SLC13A5: variants seen among roughly 807,000 people sequenced by gnomAD.
SLC13A5 encodes the protein Na(+)/citrate cotransporter.
SLC13A5 carries 25 observed loss-of-function variants against 56.5 expected under a neutral mutation model. That is an observed-to-expected ratio of 0.44 (90% CI 0.32 to 0.62). SLC13A5 has a LOEUF of 0.62. Among genes scored for constraint, SLC13A5 ranks in the 20% least tolerant of loss-of-function variants. The pLI, the probability that SLC13A5 is intolerant of heterozygous loss-of-function variation, is 0.04. For missense variants in SLC13A5, 649 were observed against 737.8 expected (o/e 0.88, Z 1.39); for synonymous variants, 307 against 301.5 (o/e 1.02, Z -0.19).
chr17:6,704,084 C>G (rs1033901696), intron 3 of SLC13A5, 28 bp from the exon 4 acceptor site: 1 of 1,594,222 alleles, frequency 6.3e-7, no homozygotes, highest in Non-Finnish European at 8.5e-7. Flanking sequence ...GGAGGAAAGC[C>G]AGAGAATCCC....
rs1484028834 is a variant in SLC13A5, at chr17:6,703,940, G to A, written c.485C>T (p.Thr162Ile). ...VEAILQQMEA[T>I]SAATEAGLEL... ...CAGGCCGGCCTCGGTGGCTGCGCTTGTGGCTTCCATCTGCTGCAATATGGC... is the reference window on the plus strand; with the variant it reads ...CAGGCCGGCCTCGGTGGCTGCGCTTATGGCTTCCATCTGCTGCAATATGGC... Residue 162 changes from threonine to isoleucine, a missense_variant, in exon 4 of 12, where the codon ACA becomes ATA. Physicochemically the swap from Thr to Ile is moderately conservative, Grantham distance 89 (BLOSUM62 -1). Transcript: ENST00000433363. 2 of 1,607,228 alleles carry A rather than the reference G, an allele frequency of 1.2e-6. No individual in the cohort carries two copies. Among genetic ancestry groups the A allele is most frequent in the South Asian group, 2.2e-5 (2 of 90,530 alleles).
At position 6,698,282 on chromosome 17, in the gene SLC13A5, C is replaced by T. The variant is rs189296303; in HGVS notation, c.840-2341G>A. On this transcript the variant is annotated intron_variant, in intron 6 of 11. Transcript: ENST00000433363. Reference sequence around the variant, plus strand: ...TCAGAAGCCCCCTGCTGCAGACACTCTCAGGCTCCCCCGCCAGTCAACAAA... The same window carrying T: ...TCAGAAGCCCCCTGCTGCAGACACTTTCAGGCTCCCCCGCCAGTCAACAAA... Among the ~76,000 whole-genome samples the T allele has an allele frequency of 1.2e-3, 178 of 152,366 alleles. No individual in the cohort carries two copies. The Middle Eastern group carries it at 0.037, about 32-fold the overall frequency.
rs779618700 is a variant in SLC13A5, at chr17:6,686,047, G to C, written c.*160C>G. ...CTGCCCATGACCATCTCTGCATCTGGGCTTGGAGGAAGAGGTGGCCCATTG... is the reference window on the plus strand; with the variant it reads ...CTGCCCATGACCATCTCTGCATCTGCGCTTGGAGGAAGAGGTGGCCCATTG... On this transcript the variant is annotated 3_prime_UTR_variant, in exon 12 of 12. Transcript: ENST00000433363. 32 of 1,010,756 alleles carry C rather than the reference G, an allele frequency of 3.2e-5. 1 individual carries two copies. The highest frequency in any genetic ancestry group is 4.6e-5 in the Non-Finnish European group (31 of 680,662). The allele number at this position is 1,010,756 out of a possible 1,614,324, so 62.6% of individuals were successfully genotyped here. A position where few individuals can be genotyped will look rare whatever the true frequency, so the allele number is the denominator to read the frequency against.
At position 6,706,727 on chromosome 17, in the gene SLC13A5, T is replaced by C. The variant is rs1199399452; in HGVS notation, c.283A>G (p.Ile95Val). ...DTNMLFLGGLIVAVAVERWNL... is the reference protein window; with the variant it reads ...DTNMLFLGGLVVAVAVERWNL... ...CAGCGCTCCACAGCCACGGCCACGA[T>C]GAGGCCGCCCAGGAACAGCATGTTG... Residue 95 changes from isoleucine (I) to valine (V), a missense_variant, in exon 3 of 12, where the codon ATC becomes GTC. By Grantham distance (29) the Ile-to-Val change is conservative (BLOSUM62 3). Coordinates refer to ENST00000433363, the MANE Select transcript of SLC13A5 (RefSeq NM_177550.5). 4 of 1,614,056 alleles carry C rather than the reference T, an allele frequency of 2.5e-6. No individual in the cohort carries two copies. The highest frequency in any genetic ancestry group is 2.2e-5 in the South Asian group (2 of 91,054).
intron 7 of SLC13A5, chr17:6,695,307 A>C (rs533602234): frequency 7.0e-5 from 12 of 171,068 alleles, no homozygotes; most frequent in Non-Finnish European, 1.0e-4. Flanking sequence ...TTGACCAAGC[A>C]TGAGTGCCTG....
intron 7 of SLC13A5, 80 bp downstream of exon 7, chr17:6,695,646 C>T: frequency 1.4e-6 from 2 of 1,458,930 alleles, no homozygotes; most frequent in Non-Finnish European, 1.9e-6. Flanking sequence ...CCACCTCAGC[C>T]TCCCAAAGTG....
intron 5 of SLC13A5, among the ~76,000 whole-genome samples, chr17:6,702,234 A>T (rs560095614): frequency 7.6e-4 from 116 of 152,196 alleles, no homozygotes; most frequent in African/African-American, 2.7e-3. Context: ...CAATTAGTAC[A>T]TACCTCAATT....
chr17:6,709,299 CTTGCTCTGTCCCCAGGCTGGAGT>C (rs1428606431), intron 1 of SLC13A5, among the ~76,000 whole-genome samples: 2 of 151,922 alleles, frequency 1.3e-5, no homozygotes, highest in Non-Finnish European at 2.9e-5. Context: ...GAGACAGAGC[CTTGCTCTGTCCCCAGGCTGGAGT>C]GCAGTGGTGC....
At chr17:6,697,274 T>C (rs942405707) in intron 6 of SLC13A5, among the ~76,000 whole-genome samples, 2 of 152,160 alleles carry the variant, frequency 1.3e-5, no homozygotes, top group African/African-American at 4.8e-5. Flanking sequence ...GTTTCCAGCA[T>C]AAGGGGTGAC....
chr17:6,696,007 G>T (rs1022647782), intron 6 of SLC13A5, 66 bp from the exon 7 acceptor site: 2 of 1,443,346 alleles, frequency 1.4e-6, no homozygotes, highest in Admixed American at 1.8e-5. Flanking sequence ...GTCAGATGGA[G>T]CCTAAATGTT....
chr17:6,703,435 C>T (rs1402700710), intron 4 of SLC13A5, among the ~76,000 whole-genome samples: 1 of 152,206 alleles, frequency 6.6e-6, no homozygotes, highest in Non-Finnish European at 1.5e-5. Context: ...GACTCGTCTT[C>T]CCTGAGCTTC....
intron 9 of SLC13A5, among the ~76,000 whole-genome samples, chr17:6,691,240 C>G (rs1191283513): frequency 6.6e-5 from 10 of 152,220 alleles, no homozygotes; most frequent in Admixed American, 6.5e-4. Flanking sequence ...TCCTCCATAG[C>G]CCAGAATCTG....
intron 1 of SLC13A5, among the ~76,000 whole-genome samples, chr17:6,710,022 G>A (rs61270010): frequency 0.33 from 50,814 of 152,108 alleles, 8,833 homozygotes; most frequent in East Asian, 0.43. Flanking sequence ...AGGAGAAAGG[G>A]TCAATGCTGG....
rs571514210 is a variant in SLC13A5, at chr17:6,701,845, A to G, written c.717-719T>C. Among the ~76,000 whole-genome samples the G allele has an allele frequency of 1.4e-4, 22 of 152,298 alleles. No individual in the cohort carries two copies. In the Middle Eastern group the frequency reaches 0.01, roughly 71 times the overall value. On this transcript the variant is annotated intron_variant, in intron 5 of 11. Transcript: ENST00000433363. This position sits in a 1 kb window ranked among gnomAD's most constrained non-coding sequence, Gnocchi z 4.1. ...AACGGTCCCCCCACTTAGCAAAGGA[A>G]ATCTCAAAAGCTTCCCAGAGCGGAG...
At chr17:6,710,734 C>T (rs1973998890) in intron 1 of SLC13A5, among the ~76,000 whole-genome samples, 1 of 151,250 alleles carries the variant, frequency 6.6e-6, no homozygotes, top group Admixed American at 6.6e-5. Context: ...TGACACACCA[C>T]TTAATGAAAA....
chr17:6,693,622 T>TATA (rs1973476834), intron 8 of SLC13A5: 1 of 158,758 alleles, frequency 6.3e-6, no homozygotes, highest in Non-Finnish European at 1.4e-5. Context: ...CTCAACGCAA[T>TATA]ATAATGCCAT....
At chr17:6,700,848 G>A (rs570536658) in intron 6 of SLC13A5, among the ~76,000 whole-genome samples, 156 bp downstream of exon 6, 33 of 152,166 alleles carry the variant, frequency 2.2e-4, no homozygotes, top group Non-Finnish European at 1.8e-4. Flanking sequence ...GCCTGGGTTC[G>A]AAGGAACAGG....
intron 2 of SLC13A5, 85 bp from the exon 3 acceptor site, chr17:6,706,863 C>G: frequency 6.3e-7 from 1 of 1,582,510 alleles, no homozygotes; most frequent in South Asian, 1.2e-5. Flanking sequence ...ACTTCAGGGA[C>G]AGCTTGGAGT....
Position 6,710,778 on chromosome 17 carries a change from G to A in SLC13A5, c.102+2454C>T, listed in dbSNP as rs985837927. ...CAAAACCTACTGTGTGTGTGTGTGT[G>A]TGTGTGTGTCTGGGAAGAGAGAGAG... On this transcript the variant is annotated intron_variant, in intron 1 of 11. Coordinates refer to ENST00000433363, the MANE Select transcript of SLC13A5 (RefSeq NM_177550.5). 3.9e-5 allele frequency among the ~76,000 whole-genome samples: 6 copies of A among 152,048 alleles called. No individual in the cohort carries two copies. In the Middle Eastern group the frequency reaches 0.01, roughly 259 times the overall value.
Sources: gnomAD v4.1 joint callset for allele counts (sites outside exome capture counted in the v4.1 genomes callset) on GRCh38, gnomAD v4.1.1 for gene constraint, Gnocchi (gnomAD v3.1) non-coding constraint, MANE v1.5 for transcripts, NCBI Gene and HGNC (gene_info 2026-07-23, HGNC 2026-07-21) for gene names.